ALK: variants seen among roughly 807,000 people sequenced by gnomAD.
ALK encodes ALK receptor tyrosine kinase.
Under a neutral mutation model 163.1 loss-of-function variants are expected in ALK, and 74 were observed. The ratio of observed to expected loss-of-function variants is 0.45; its 90% CI spans 0.38 to 0.55. The LOEUF (loss-of-function observed/expected upper bound fraction) is 0.55. Ranked by LOEUF, ALK falls within the 20% of genes least tolerant of loss-of-function variation. The pLI, the probability that ALK is intolerant of heterozygous loss-of-function variation, is 0.00. For synonymous variants in ALK, 960 were observed against 843.2 expected, an observed-to-expected ratio of 1.14 and a Z score of -2.40; for missense variants, 2,063 against 2,105.3, an observed-to-expected ratio of 0.98 and a Z score of 0.39.
At chr2:29,325,842 C>A (rs13402797) in intron 6 of ALK, among the ~76,000 whole-genome samples, 55,009 of 152,084 alleles carry the variant, frequency 0.36, 10,556 homozygotes, top group African/African-American at 0.41. Flanking sequence ...ACAGCTCCTG[C>A]CTCATAGAGT....
intron 6 of ALK, 38 bp from the exon 7 acceptor site, chr2:29,320,920 C>T (rs1392383001): frequency 1.2e-6 from 2 of 1,613,922 alleles, no homozygotes; most frequent in Non-Finnish European, 1.7e-6. Flanking sequence ...ATTTTCAGGA[C>T]CACTAAAGGC....
intron 3 of ALK, among the ~76,000 whole-genome samples, chr2:29,663,442 G>A (rs147714445): frequency 0.011 from 1,718 of 151,984 alleles, 23 homozygotes; most frequent in South Asian, 0.045. Flanking sequence ...CCTTCCCATC[G>A]TCCTCCTTCT....
intron 4 of ALK, among the ~76,000 whole-genome samples, chr2:29,527,510 CTTAG>C (rs1003510722): frequency 2.0e-5 from 3 of 151,872 alleles, no homozygotes; most frequent in South Asian, 2.1e-4. Context: ...AGTTTTGTTT[CTTAG>C]TTTGTTTTTT....
At chr2:29,490,701 A>C (rs1182504236) in intron 4 of ALK, among the ~76,000 whole-genome samples, 2 of 152,230 alleles carry the variant, frequency 1.3e-5, no homozygotes, top group Non-Finnish European at 2.9e-5. Context: ...TCCCCAGAGT[A>C]ATGTTTTCAA....
intron 25 of ALK, among the ~76,000 whole-genome samples, chr2:29,208,389 G>T (rs563242142): frequency 6.6e-6 from 1 of 152,306 alleles, no homozygotes; most frequent in East Asian, 1.9e-4. Context: ...CTGAGCCTGG[G>T]AAGGAAAAGT....
chr2:29,894,841 CACACACACACAA>C (rs70962247), intron 1 of ALK, among the ~76,000 whole-genome samples: 76,168 of 146,144 alleles, frequency 0.52, 21,292 homozygotes, highest in Non-Finnish European at 0.64. Context: ...CAAACACACA[CACACACACACAA>C]ACACACACAC....
chr2:29,836,362 G>C (rs6755742), intron 1 of ALK, among the ~76,000 whole-genome samples: 230 of 152,200 alleles, frequency 1.5e-3, no homozygotes, highest in African/African-American at 5.4e-3. Context: ...TGAAAGTAGA[G>C]AGGGGCTCTC....
At chr2:29,550,161 G>A (rs928859587) in intron 3 of ALK, among the ~76,000 whole-genome samples, 25 of 152,062 alleles carry the variant, frequency 1.6e-4, no homozygotes, top group African/African-American at 3.4e-4. Context: ...TATTAGTCCC[G>A]AGCAATATGT....
rs1558508709 is a variant in ALK at position 29,831,100 on chromosome 2, AGGAGGAGG to A, written c.667+88885_667+88892del. On this transcript the variant is annotated intron_variant, in intron 1 of 28. Coordinates refer to ENST00000389048, the MANE Select transcript of ALK (RefSeq NM_004304.5). ...GAGGAGGAGGAGGAGGAGGAGGAGG[AGGAGGAGG>A]AGAAGAAGAAGAAGAAGGGGAAGAA... Among the ~76,000 whole-genome samples the A allele has an allele frequency of 2.6e-4, 15 of 57,696 alleles. 2 individuals carry two copies. In the South Asian group the frequency reaches 0.01, roughly 39 times the overall value. 37.9% of individuals were successfully genotyped at this position (57,696 alleles called of 152,430 possible). A position where few individuals can be genotyped will look rare whatever the true frequency, so the allele number is the denominator to read the frequency against.
At chr2:29,467,222 G>T (rs1671234186) in intron 4 of ALK, among the ~76,000 whole-genome samples, 1 of 134,580 alleles carries the variant, frequency 7.4e-6, no homozygotes, top group Non-Finnish European at 1.6e-5. Context: ...GCAATCTTAT[G>T]GAGAGTCTTA....
At chr2:29,638,217 G>A (rs1478604577) in intron 3 of ALK, among the ~76,000 whole-genome samples, 3 of 152,188 alleles carry the variant, frequency 2.0e-5, no homozygotes, top group African/African-American at 7.2e-5. Context: ...TGACCATGGG[G>A]ACCTGCAATA....
At position 29,233,560 on chromosome 2, in the gene ALK, CA is replaced by C; in HGVS notation, c.2487+4del. 1 of 1,614,170 alleles carries C rather than the reference CA, an allele frequency of 6.2e-7. No individual in the cohort carries two copies. The highest frequency in any genetic ancestry group is 8.5e-7 in the Non-Finnish European group (1 of 1,180,026). ...CTGGTGGAAATCTGGCAGCACACACCATACCTTAAATACGTAGGTGGCTCCA... is the reference window on the plus strand; with the variant it reads ...CTGGTGGAAATCTGGCAGCACACACCTACCTTAAATACGTAGGTGGCTCCA... On this transcript the variant is annotated splice_donor_region_variant and intron_variant, in intron 14 of 28. Transcript: ENST00000389048.
In ALK at chr2:29,775,550, AC is replaced by A. The variant is rs1205102069; in HGVS notation, c.668-57854del. Among the ~76,000 whole-genome samples the A allele has an allele frequency of 1.4e-3, 212 of 151,670 alleles. 4 individuals carry two copies. Among genetic ancestry groups the A allele is most frequent in the Admixed American group, 0.012 (189 of 15,196 alleles). On this transcript the variant is annotated intron_variant, in intron 1 of 28. Transcript: ENST00000389048. ...TCCCTCCCCCTACAAAAAAAAAAAA[AC>A]AAAAACAAAAGCAGAAATCAAAAGA...
chr2:29,471,582 T>C (rs1437267490), intron 4 of ALK, among the ~76,000 whole-genome samples: 6 of 152,212 alleles, frequency 3.9e-5, no homozygotes, highest in Non-Finnish European at 5.9e-5. Context: ...ATATCATTCA[T>C]TACCTATTCG....
At chr2:29,508,438 T>G (rs534133340) in intron 4 of ALK, among the ~76,000 whole-genome samples, 1 of 152,054 alleles carries the variant, frequency 6.6e-6, no homozygotes, top group African/African-American at 2.4e-5. Context: ...CAGCAAACTA[T>G]CGCAGGGACA....
At chr2:29,368,059 C>T (rs1436246145) in intron 5 of ALK, among the ~76,000 whole-genome samples, 2 of 152,164 alleles carry the variant, frequency 1.3e-5, no homozygotes, top group East Asian at 3.9e-4. Context: ...GGCTTTGAGC[C>T]AAACACCAGG....
chr2:29,509,025 C>T (rs2148138482), intron 4 of ALK, among the ~76,000 whole-genome samples: 1 of 152,162 alleles, frequency 6.6e-6, no homozygotes, highest in South Asian at 2.1e-4. Context: ...GTAGCGTGTG[C>T]AGGTATGCCC....
intron 1 of ALK, among the ~76,000 whole-genome samples, chr2:29,841,043 T>A (rs1281281379): frequency 6.6e-6 from 1 of 152,170 alleles, no homozygotes; most frequent in Non-Finnish European, 1.5e-5. Flanking sequence ...GTTAGCCTTG[T>A]GTTAGGGGAT....
intron 1 of ALK, among the ~76,000 whole-genome samples, chr2:29,760,292 G>A (rs138358674): frequency 0.017 from 2,582 of 152,146 alleles, 30 homozygotes; most frequent in South Asian, 0.05. Flanking sequence ...TGGGACTTCT[G>A]GTGCCAACAC....
Sources: gnomAD v4.1 joint callset for allele counts (sites outside exome capture counted in the v4.1 genomes callset) on GRCh38, gnomAD v4.1.1 for gene constraint, MANE v1.5 for transcripts, NCBI Gene and HGNC (gene_info 2026-07-23, HGNC 2026-07-21) for gene names.